Variants in UNC5A observed in about 807,000 individuals in gnomAD.
The protein encoded by UNC5A is netrin receptor UNC5A.
In UNC5A, 20 loss-of-function variants were observed where a neutral mutation model predicts 87.4. The ratio of observed to expected loss-of-function variants is 0.23; its 90% confidence interval spans 0.16 to 0.33. UNC5A has a LOEUF of 0.33. Among genes scored for constraint, UNC5A ranks in the 10% least tolerant of loss-of-function variants. The pLI is 1.00. For missense variants in UNC5A, 844 were observed against 1,133.4 expected, an observed-to-expected ratio of 0.74 and a Z score of 3.67; for synonymous variants, 438 against 482.3, an observed-to-expected ratio of 0.91 and a Z score of 1.20.
rs1162135652 is a variant in UNC5A, at chr5:176,824,062, G to T, written c.70+13242G>T. Among the ~76,000 whole-genome samples the T allele has an allele frequency of 6.6e-6, 1 of 152,214 alleles. No individual in the cohort carries two copies. The highest frequency in any genetic ancestry group is 1.9e-4 in the East Asian group (1 of 5,186). ...CCCGGAGATCCTGGGCACATGATTG[G>T]GCCAGGCTGGCCACATGGCCTGGGT... On this transcript the variant is annotated intron_variant, in intron 1 of 14. Transcript: ENST00000329542. The surrounding 1 kb of genome is among the most constrained non-coding windows in gnomAD (Gnocchi z 4.2).
chr5:176,867,918 A>G (rs1758013761), intron 2 of UNC5A, among the ~76,000 whole-genome samples: 1 of 152,068 alleles, frequency 6.6e-6, no homozygotes, highest in Non-Finnish European at 1.5e-5. Context: ...TTCAGGAGAT[A>G]GAAATCAAGC....
intron 2 of UNC5A, 58 bp downstream of exon 2, chr5:176,862,903 C>T (rs187665420): frequency 5.0e-6 from 8 of 1,587,878 alleles, no homozygotes; most frequent in South Asian, 1.1e-5. Context: ...TTCGGCCCCC[C>T]CAGAGGAGCC....
intron 5 of UNC5A, 123 bp from the exon 6 acceptor site, chr5:176,870,247 C>T (rs1350469709): frequency 1.6e-6 from 2 of 1,267,864 alleles, no homozygotes; most frequent in Non-Finnish European, 1.1e-6. Flanking sequence ...CCTGGCTTTG[C>T]ACCCAAATCC....
intron 2 of UNC5A, among the ~76,000 whole-genome samples, chr5:176,864,187 C>A (rs753264031): frequency 1.3e-5 from 2 of 151,986 alleles, no homozygotes; most frequent in Non-Finnish European, 2.9e-5. Context: ...GGAGGAACAT[C>A]CAAGCTCAGG....
rs765900838 is a variant in UNC5A at position 176,869,375 on chromosome 5, G to A, written c.721+411G>A. Among the ~76,000 whole-genome samples the A allele has an allele frequency of 2.6e-4, 40 of 152,104 alleles. No individual in the cohort carries two copies. Among genetic ancestry groups the A allele is most frequent in the Non-Finnish European group, 4.6e-4 (31 of 67,968 alleles). ...TCTGGGCTGCAGGAGTGTGTGAGCC[G>A]CGGTTCAGCCTGGCTACCCCGAGTG... On this transcript the variant is annotated intron_variant, in intron 5 of 14. Transcript: ENST00000329542. This position sits in a 1 kb window ranked among gnomAD's most constrained non-coding sequence, Gnocchi z 9.1.
In UNC5A at chr5:176,869,678, G is replaced by A; in HGVS notation, c.722-692G>A. 1 of 697,768 alleles carries A rather than the reference G, an allele frequency of 1.4e-6. No individual in the cohort carries two copies. The highest frequency in any genetic ancestry group is 2.6e-6 in the Non-Finnish European group (1 of 382,042). The allele number at this position is 697,768 out of a possible 1,614,324, so 43.2% of individuals were successfully genotyped here. A position where few individuals can be genotyped will look rare whatever the true frequency, so the allele number is the denominator to read the frequency against. ...GCAGCGCCAGCTGTGGGCGCGGCTG[G>A]CAGAAACGGAGCCGGAGCTGCACCA... On this transcript the variant is annotated intron_variant, in intron 5 of 14. Transcript: ENST00000329542. This position sits in a 1 kb window ranked among gnomAD's most constrained non-coding sequence, Gnocchi z 9.1.
At position 176,834,189 on chromosome 5, in the gene UNC5A, G is replaced by T. The variant is rs957076354; in HGVS notation, c.70+23369G>T. ...TGCAGTGCACCAGTGAACCAATGAA[G>T]AAATTAAATAATTACACACTGCCGG... On this transcript the variant is annotated intron_variant, in intron 1 of 14. Transcript: ENST00000329542. Among the ~76,000 whole-genome samples, 9 of 152,292 alleles carry T rather than the reference G, an allele frequency of 5.9e-5. 1 individual carries two copies. Among genetic ancestry groups the T allele is most frequent in the African/African-American group, 1.2e-4 (5 of 41,556 alleles).
At chr5:176,850,416 T>C (rs1226241732) in intron 1 of UNC5A, among the ~76,000 whole-genome samples, 1 of 151,178 alleles carries the variant, frequency 6.6e-6, no homozygotes, top group Non-Finnish European at 1.5e-5. Context: ...AGGCACACTT[T>C]GGGTGGTGGG....
chr5:176,810,740 C>G lies in UNC5A; in HGVS notation c.-11C>G. 1 of 1,144,686 alleles carries G rather than the reference C, an allele frequency of 8.7e-7. No homozygotes were observed. Among genetic ancestry groups the G allele is most frequent in the Non-Finnish European group, 1.1e-6 (1 of 932,020 alleles). The allele number at this position is 1,144,686 out of a possible 1,614,324, so 70.9% of individuals were successfully genotyped here. ...CCCGCGCCCGGCCCGCCCGCCTGCC[C>G]GCCCGCGGCCATGGCCGTCCGGCCC... On this transcript the variant is annotated 5_prime_UTR_variant, in exon 1 of 15. Coordinates refer to ENST00000329542, the MANE Select transcript of UNC5A (RefSeq NM_133369.3). This position sits in a 1 kb window ranked among gnomAD's most constrained non-coding sequence, Gnocchi z 7.3.
In UNC5A at chr5:176,874,194, T is replaced by C. The variant is rs1554100208; in HGVS notation, c.1075+38T>C. The C allele has an allele frequency of 1.2e-6, 2 of 1,604,004 alleles. No individual in the cohort carries two copies. The highest frequency in any genetic ancestry group is 2.2e-5 in the South Asian group (2 of 90,558). On this transcript the variant is annotated intron_variant, in intron 7 of 14. Transcript: ENST00000329542. This position sits in a 1 kb window ranked among gnomAD's most constrained non-coding sequence, Gnocchi z 7.6. ...GTGCCCCCAGCACTCCTGCCCCAGC[T>C]CCCACGCCAAGGGCTGCTGGGGCAG...
rs372807428 is a variant in UNC5A, at chr5:176,862,765, C to T, written c.212C>T (p.Thr71Met). The stretch of plus-strand genomic sequence containing the variant: ...CTTGTGTGCAAGGCCGTGCCCGCCA[C>T]GCAGATCTTCTTCAAGTGCAACGGG... ...VLLVCKAVPA[T>M]QIFFKCNGEW... Residue 71 changes from threonine (T) to methionine (M), a missense_variant, in exon 2 of 15, where the codon ACG becomes ATG. This residue lies in a region of UNC5A where 314 missense variants were observed against 466.5 expected (regional missense o/e 0.67). Coordinates refer to ENST00000329542, the MANE Select transcript of UNC5A (RefSeq NM_133369.3). 12 of 1,613,490 alleles carry T rather than the reference C, an allele frequency of 7.4e-6. No homozygotes were observed. Among genetic ancestry groups the T allele is most frequent in the East Asian group, 2.2e-5 (1 of 44,894 alleles).
intron 1 of UNC5A, among the ~76,000 whole-genome samples, chr5:176,836,553 T>C (rs1047360850): frequency 6.6e-6 from 1 of 150,628 alleles, no homozygotes; most frequent in African/African-American, 2.5e-5. Context: ...ATGGAAAGAG[T>C]TGCGATGAGA....
In UNC5A at chr5:176,878,382, G is replaced by A. The variant is rs1758320808; in HGVS notation, c.2008G>A (p.Val670Ile). 1.2e-6 allele frequency: 2 copies of A among 1,613,586 alleles called. No individual in the cohort carries two copies. Among genetic ancestry groups the A allele is most frequent in the East Asian group, 2.2e-5 (1 of 44,892 alleles). The change falls in exon 12 of 15, where the codon GTC becomes ATC. Residue 670 changes from valine (V) to isoleucine (I), a missense_variant. Around this residue, in one of 3 missense-constraint regions of UNC5A, gnomAD observed 177 missense variants for 279.4 expected, o/e 0.63. Coordinates refer to ENST00000329542, the MANE Select transcript of UNC5A (RefSeq NM_133369.3). ...PSSLWKSKLL[V>I]SYQEIPFYHI... ...CTCCCTGTGGAAGAGTAAGCTCCTTGTCAGCTACCAGGTGAGGGCCAGGGC... is the reference window on the plus strand; with the variant it reads ...CTCCCTGTGGAAGAGTAAGCTCCTTATCAGCTACCAGGTGAGGGCCAGGGC...
rs1427491057 is a variant in UNC5A at position 176,877,250 on chromosome 5, C to T, written c.1437C>T (p.Tyr479=). 2.5e-6 allele frequency: 4 copies of T among 1,612,796 alleles called. No homozygotes were observed. In the East Asian group the frequency reaches 6.7e-5, roughly 27 times the overall value. The change falls in exon 9 of 15, where the codon TAC becomes TAT. Residue 479 remains tyrosine (Y), a synonymous_variant. Coordinates refer to ENST00000329542, the MANE Select transcript of UNC5A (RefSeq NM_133369.3). ...AIPRGKIYEI[Y]LTLHKPEDVR... is the part of the protein sequence containing the mutation. ...CCCGAGGGAAGATCTATGAGATCTACCTCACGCTGCACAAGCCGGAAGACG... is the reference window on the plus strand; with the variant it reads ...CCCGAGGGAAGATCTATGAGATCTATCTCACGCTGCACAAGCCGGAAGACG...
At chr5:176,860,552 T>G (rs1025007369) in intron 1 of UNC5A, among the ~76,000 whole-genome samples, 6 of 152,054 alleles carry the variant, frequency 3.9e-5, no homozygotes, top group Non-Finnish European at 5.9e-5. Flanking sequence ...AGCACACAGG[T>G]GACTGTACAC....
In UNC5A at chr5:176,866,759, C is replaced by A. The variant is rs900943440; in HGVS notation, c.293-1371C>A. Among the ~76,000 whole-genome samples, 1 of 152,182 alleles carries A rather than the reference C, an allele frequency of 6.6e-6. No homozygotes were observed. Among genetic ancestry groups the A allele is most frequent in the African/African-American group, 2.4e-5 (1 of 41,430 alleles). ...TCCTATACAAGGACCCTGTGAGCCA[C>A]CCCCTCGTTCTCAGCCTGCCCACCC... On this transcript the variant is annotated intron_variant, in intron 2 of 14. Transcript: ENST00000329542. This position sits in a 1 kb window ranked among gnomAD's most constrained non-coding sequence, Gnocchi z 5.0.
At position 176,874,201 on chromosome 5, in the gene UNC5A, C is replaced by G. The variant is rs1319778647; in HGVS notation, c.1075+45C>G. 1 of 1,600,850 alleles carries G rather than the reference C, an allele frequency of 6.2e-7. No individual in the cohort carries two copies. The highest frequency in any genetic ancestry group is 8.5e-7 in the Non-Finnish European group (1 of 1,171,244). On this transcript the variant is annotated intron_variant, in intron 7 of 14. Transcript: ENST00000329542. This position sits in a 1 kb window ranked among gnomAD's most constrained non-coding sequence, Gnocchi z 7.6. ...CAGCACTCCTGCCCCAGCTCCCACG[C>G]CAAGGGCTGCTGGGGCAGGGATGCC... is the stretch of plus-strand genomic sequence containing the variant.
chr5:176,830,579 T>C (rs1574981), intron 1 of UNC5A, among the ~76,000 whole-genome samples: 106,221 of 133,094 alleles, frequency 0.8, 45,869 homozygotes, highest in Non-Finnish European at 0.94. Flanking sequence ...TGTGTGTGTG[T>C]GCGCGTGCTG....
In UNC5A at chr5:176,873,011, C is replaced by A. The variant is rs1223863394; in HGVS notation, c.887-957C>A. On this transcript the variant is annotated intron_variant, in intron 6 of 14. Transcript: ENST00000329542. ...ACACCTGCCCCAACACCACAGTTTC[C>A]CATCTGCCCACACTCACCCAACACC... Among the ~76,000 whole-genome samples, 11 of 56,530 alleles carry A rather than the reference C, an allele frequency of 1.9e-4. 1 individual carries two copies. Among genetic ancestry groups the A allele is most frequent in the African/African-American group, 5.8e-4 (10 of 17,364 alleles). The allele number at this position is 56,530 out of a possible 152,430, so 37.1% of individuals were successfully genotyped here. A position where few individuals can be genotyped will look rare whatever the true frequency, so the allele number is the denominator to read the frequency against.
Sources: allele counts gnomAD v4.1 joint callset (sites outside exome capture counted in the v4.1 genomes callset), GRCh38; gene constraint gnomAD v4.1.1; regional missense constraint gnomAD v4.1.1; non-coding constraint Gnocchi (gnomAD v3.1); transcripts MANE v1.5; gene names NCBI Gene and HGNC (gene_info 2026-07-23, HGNC 2026-07-21).